OCA2: variants seen among roughly 807,000 people sequenced by gnomAD.
OCA2 encodes P protein.
A neutral mutation model predicts 100.2 loss-of-function variants in OCA2; 77 were observed. The ratio of observed to expected loss-of-function variants is 0.77; its 90% CI spans 0.64 to 0.93. The LOEUF is 0.93. Among genes scored for constraint, OCA2 ranks in the 40% least tolerant of loss-of-function variants. OCA2 has a pLI of 0.00. For synonymous variants in OCA2, 432 were observed against 439.2 expected (o/e 0.98, Z 0.21); for missense variants, 1,062 against 1,089.1 (o/e 0.98, Z 0.35).
chr15:27,884,532 C>T (rs1388425491), intron 19 of OCA2, among the ~76,000 whole-genome samples: 1 of 151,786 alleles, frequency 6.6e-6, no homozygotes, highest in Non-Finnish European at 1.5e-5. Flanking sequence ...AGTTAAATGA[C>T]CCTCATGTTT....
chr15:27,879,362 T>C (rs995877047), intron 19 of OCA2, among the ~76,000 whole-genome samples: 22 of 152,174 alleles, frequency 1.4e-4, no homozygotes, highest in Non-Finnish European at 2.9e-4. Context: ...TTCCTTTGGG[T>C]ATATACCCAG....
At chr15:27,977,056 C>T (rs903454487) in intron 14 of OCA2, among the ~76,000 whole-genome samples, 1 of 152,078 alleles carries the variant, frequency 6.6e-6, no homozygotes, top group African/African-American at 2.4e-5. Flanking sequence ...ATAGAGTTGT[C>T]CATGATCTTC....
At chr15:27,768,492 C>T (rs2031459721) in intron 23 of OCA2, among the ~76,000 whole-genome samples, 2 of 152,224 alleles carry the variant, frequency 1.3e-5, no homozygotes, top group South Asian at 2.1e-4. Flanking sequence ...CAATGTATAG[C>T]GAATCAATAG....
At chr15:27,743,692 G>T in the OCA2 span, among the ~76,000 whole-genome samples, 1 of 152,178 alleles carries the variant, frequency 6.6e-6, no homozygotes, top group African/African-American at 2.4e-5. Context: ...ACCATCATAG[G>T]ACAAGTGGGT....
chr15:28,022,650 G>T, intron 5 of OCA2, 77 bp from the exon 6 acceptor site: 1 of 1,068,362 alleles, frequency 9.4e-7, no homozygotes, highest in Non-Finnish European at 1.4e-6. Flanking sequence ...GATAACAGTC[G>T]AAAACAGATG....
At chr15:27,912,685 C>T (rs2038442826) in intron 19 of OCA2, among the ~76,000 whole-genome samples, 1 of 152,146 alleles carries the variant, frequency 6.6e-6, no homozygotes, top group Admixed American at 6.5e-5. Context: ...CATCATTAGG[C>T]AAACTCTACA....
chr15:27,939,782 A>G lies in OCA2; in HGVS notation c.1951+12002T>C, dbSNP rs185640748. Among the ~76,000 whole-genome samples, 726 of 152,300 alleles carry G rather than the reference A, an allele frequency of 4.8e-3. 2 individuals are homozygous for G. Among genetic ancestry groups the G allele is most frequent in the Non-Finnish European group, 6.0e-3 (410 of 67,972 alleles). On this transcript the variant is annotated intron_variant, in intron 18 of 23. Coordinates refer to ENST00000354638, the MANE Select transcript of OCA2 (RefSeq NM_000275.3). ...TGAGGAGTGGGTAAAAACACACTCA[A>G]AAATAACGAATCAACAAGTGAATGA... is the stretch of plus-strand genomic sequence containing the variant.
At chr15:27,929,675 G>A (rs2039172245) in intron 18 of OCA2, among the ~76,000 whole-genome samples, 1 of 151,548 alleles carries the variant, frequency 6.6e-6, no homozygotes, top group Non-Finnish European at 1.5e-5. Flanking sequence ...TTTTTCAAAG[G>A]GCACTGTTAA....
intron 1 of OCA2, among the ~76,000 whole-genome samples, chr15:28,084,888 C>T (rs767319044): frequency 3.9e-5 from 6 of 152,210 alleles, no homozygotes; most frequent in African/African-American, 1.2e-4. Context: ...ATCTGGAGAG[C>T]GAGCAGCAGT....
At chr15:27,904,639 C>T (rs1367213607) in intron 19 of OCA2, among the ~76,000 whole-genome samples, 3 of 152,142 alleles carry the variant, frequency 2.0e-5, no homozygotes, top group African/African-American at 7.2e-5. Context: ...CCTTCTACTG[C>T]CAACAGTCTA....
In OCA2 at chr15:27,968,108, G is replaced by C. The variant is rs148127263; in HGVS notation, c.1504-1286C>G. Among the ~76,000 whole-genome samples, 255 of 152,182 alleles carry C rather than the reference G, an allele frequency of 1.7e-3. 2 individuals carry two copies. Among genetic ancestry groups the C allele is most frequent in the African/African-American group, 5.8e-3 (241 of 41,456 alleles). On this transcript the variant is annotated intron_variant, in intron 14 of 23. Coordinates refer to ENST00000354638, the MANE Select transcript of OCA2 (RefSeq NM_000275.3). ...CATTGGTTGGTTCTGTTCTTTCACA[G>C]ACGTCCTGGAGTAAGTCAGCAGCGT... is the stretch of plus-strand genomic sequence containing the variant.
At chr15:27,726,389 C>G in the OCA2 span, among the ~76,000 whole-genome samples, 1 of 152,058 alleles carries the variant, frequency 6.6e-6, no homozygotes, top group Non-Finnish European at 1.5e-5. Flanking sequence ...GTCACATCTT[C>G]CTCTTGTTAA....
intron 23 of OCA2, among the ~76,000 whole-genome samples, chr15:27,789,040 ATC>A (rs751820464): frequency 1.3e-5 from 2 of 152,010 alleles, no homozygotes; most frequent in African/African-American, 4.8e-5. Context: ...TATATATTAC[ATC>A]TCTCTATGTC....
chr15:27,893,845 C>T (rs1378449372), intron 19 of OCA2, among the ~76,000 whole-genome samples: 2 of 152,152 alleles, frequency 1.3e-5, no homozygotes, highest in Non-Finnish European at 2.9e-5. Flanking sequence ...GCTTTATGAT[C>T]TTTGTTGGAC....
At chr15:27,835,636 G>T (rs765407178) in intron 23 of OCA2, among the ~76,000 whole-genome samples, 1 of 152,260 alleles carries the variant, frequency 6.6e-6, no homozygotes, top group Admixed American at 6.5e-5. Flanking sequence ...TGGGACAGGT[G>T]ACTTTACCAG....
intron 9 of OCA2, among the ~76,000 whole-genome samples, chr15:27,996,221 C>G (rs187929980): frequency 6.6e-6 from 1 of 152,224 alleles, no homozygotes; most frequent in Admixed American, 6.5e-5. Context: ...TTATGGGACA[C>G]AGCAAAAGCA....
Position 28,027,981 on chromosome 15 carries a change from C to G in OCA2, c.405G>C (p.Glu135Asp). Residue 135 changes from glutamate (E) to aspartate (D), a missense_variant, in exon 4 of 24, where the codon GAG (glutamate) becomes GAC (aspartate). Transcript: ENST00000354638. ...CCTCCCTGCTTAGCAGGTATCTTCG[C>G]TCCCAGTCAGCAGAGCTGTCTTCCC... ...ESWEDSSADW[E>D]RRYLLSREVS... 2 of 1,614,234 alleles carry G rather than the reference C, an allele frequency of 1.2e-6. No individual in the cohort carries two copies. The highest frequency in any genetic ancestry group is 1.7e-6 in the Non-Finnish European group (2 of 1,180,042).
In OCA2 at chr15:27,966,838, G is replaced by A. The variant is rs746616353; in HGVS notation, c.1504-16C>T. ...AGTCCAGGCCCTGGAAATAAACAAG[G>A]GGAAATGAAATGGCAGCCCAGGCAT... On this transcript the variant is annotated splice_polypyrimidine_tract_variant and intron_variant, in intron 14 of 23. Coordinates refer to ENST00000354638, the MANE Select transcript of OCA2 (RefSeq NM_000275.3). The A allele has an allele frequency of 2.5e-6, 4 of 1,604,170 alleles. No individual in the cohort carries two copies. Among genetic ancestry groups the A allele is most frequent in the South Asian group, 1.1e-5 (1 of 89,922 alleles).
intron 19 of OCA2, among the ~76,000 whole-genome samples, chr15:27,875,648 A>AT (rs1379621265): frequency 1.3e-5 from 2 of 152,110 alleles, no homozygotes; most frequent in African/African-American, 2.4e-5. Flanking sequence ...TGGACAGACT[A>AT]TATCTCTTCA....
Sources: gnomAD v4.1 joint callset for allele counts (sites outside exome capture counted in the v4.1 genomes callset) on GRCh38, gnomAD v4.1.1 for gene constraint, MANE v1.5 for transcripts, NCBI Gene and HGNC (gene_info 2026-07-23, HGNC 2026-07-21) for gene names.